Variants in ZC4H2 observed in about 807,000 individuals in gnomAD.
ZC4H2 encodes the protein zinc finger C4H2 domain-containing protein.
For missense variants in ZC4H2, 137 were observed against 173.9 expected (o/e 0.79, Z 1.19); for synonymous variants, 84 against 66.3 (o/e 1.27, Z -1.30).
intron 1 of ZC4H2, among the ~76,000 whole-genome samples, chrX:64,999,756 G>T (rs1468320663): frequency 1.8e-5 from 2 of 112,046 alleles, no homozygotes; most frequent in East Asian, 5.7e-4. Context: ...TTGGTAGGGG[G>T]ACGGGCATCC....
chrX:64,948,216 T>C (rs940295837), intron 1 of ZC4H2, among the ~76,000 whole-genome samples: 7 of 111,548 alleles, frequency 6.3e-5, no homozygotes, highest in Non-Finnish European at 1.1e-4. Context: ...CCAAACTTGG[T>C]TTATAAGTCA....
chrX:64,920,267 T>C lies in ZC4H2; in HGVS notation c.226-14A>G. ...AGTGTTTTCCATCTGGAACATAGAG[T>C]GGGATAGGCACAGAGAAAAGATCCT... On this transcript the variant is annotated splice_polypyrimidine_tract_variant and intron_variant, in intron 2 of 4. Transcript: ENST00000374839. 1 of 1,205,171 alleles carries C rather than the reference T, an allele frequency of 8.3e-7. No homozygotes were observed. The highest frequency in any genetic ancestry group is 3.0e-5 in the East Asian group (1 of 33,727).
chrX:65,005,036 A>T (rs1481280729), intron 1 of ZC4H2, among the ~76,000 whole-genome samples: 1 of 111,609 alleles, frequency 9.0e-6, no homozygotes, highest in Non-Finnish European at 1.9e-5. Flanking sequence ...GATGTGAAGG[A>T]CCTCTTCAAA....
At chrX:64,988,878 C>A in intron 1 of ZC4H2, among the ~76,000 whole-genome samples, 2 of 111,452 alleles carry the variant, frequency 1.8e-5, no homozygotes, top group East Asian at 2.8e-4. Context: ...AGTCTTCAAT[C>A]CATCTTGAAT....
chrX:64,943,846 T>G (rs987657649), intron 1 of ZC4H2, among the ~76,000 whole-genome samples: 2 of 111,601 alleles, frequency 1.8e-5, no homozygotes, highest in East Asian at 5.6e-4. Flanking sequence ...AGGTTAATAT[T>G]GTTATGAGTG....
At chrX:64,922,237 CT>C in intron 1 of ZC4H2, 1 of 242,839 alleles carries the variant, frequency 4.1e-6, no homozygotes, top group Non-Finnish European at 6.2e-6. Flanking sequence ...ATAGTGAGAC[CT>C]TATATCTACA....
At chrX:64,923,556 G>T (rs1297741837) in intron 1 of ZC4H2, among the ~76,000 whole-genome samples, 2 of 110,498 alleles carry the variant, frequency 1.8e-5, no homozygotes, top group African/African-American at 3.3e-5. Context: ...TCTTGACATT[G>T]CCTGTGCCTC....
intron 1 of ZC4H2, among the ~76,000 whole-genome samples, chrX:65,032,513 T>A (rs759085357): frequency 8.9e-6 from 1 of 111,826 alleles, no homozygotes; most frequent in East Asian, 2.8e-4. Context: ...TCCACATTCA[T>A]AATTGTAATA....
intron 1 of ZC4H2, among the ~76,000 whole-genome samples, chrX:64,987,107 T>C (rs1932203321): frequency 9.2e-6 from 1 of 108,555 alleles, no homozygotes; most frequent in African/African-American, 3.4e-5. Context: ...TTTTTGTATT[T>C]TTAGTAGAGA....
intron 1 of ZC4H2, among the ~76,000 whole-genome samples, chrX:64,960,257 T>C (rs1411148489): frequency 9.0e-6 from 1 of 110,829 alleles, no homozygotes; most frequent in African/African-American, 3.3e-5. Context: ...GAAAAGAGTT[T>C]TGGAGAGTGT....
chrX:64,999,540 C>A lies in ZC4H2; in HGVS notation c.-272+35089G>T, dbSNP rs1343632495. Reference sequence around the variant, plus strand: ...GTTTGGGCAGACACTGAGCTAGCTGCAAGAGCTTTCTTTTCATACCCCAGT... The same window carrying A: ...GTTTGGGCAGACACTGAGCTAGCTGAAAGAGCTTTCTTTTCATACCCCAGT... On this transcript the variant is annotated intron_variant, in intron 1 of 4. Transcript: ENST00000337990. Among the ~76,000 whole-genome samples the A allele has an allele frequency of 2.7e-5, 3 of 112,215 alleles. No homozygotes were observed. The East Asian group carries it at 8.5e-4, about 32-fold the overall frequency.
chrX:64,919,735 G>A (rs1485055071), intron 3 of ZC4H2: 7 of 181,844 alleles, frequency 3.8e-5, no homozygotes, highest in Admixed American at 1.5e-4. Context: ...TCTAGATATC[G>A]CCTTCTAGAC....
At chrX:64,974,973 CAA>C (rs58569761) in intron 1 of ZC4H2, among the ~76,000 whole-genome samples, 5,384 of 35,859 alleles carry the variant, frequency 0.15, 798 homozygotes, top group African/African-American at 0.38. Context: ...ATGCTTTTGC[CAA>C]AAAAAAAAAA....
intron 1 of ZC4H2, among the ~76,000 whole-genome samples, chrX:64,975,740 C>T (rs1298702015): frequency 1.8e-5 from 2 of 111,459 alleles, no homozygotes; most frequent in Non-Finnish European, 3.8e-5. Context: ...GACCGCGTCC[C>T]CAGTCCCCAT....
chrX:65,017,056 G>T lies in ZC4H2; in HGVS notation c.-272+17573C>A, dbSNP rs148943945. Among the ~76,000 whole-genome samples the T allele has an allele frequency of 8.4e-4, 94 of 111,711 alleles. 1 individual carries two copies. The East Asian group carries it at 0.024, about 29-fold the overall frequency. On this transcript the variant is annotated intron_variant, in intron 1 of 4. Coordinates refer to the ZC4H2 transcript ENST00000337990. ...TTTAGAAAGAGGGAAGAAAATAGTA[G>T]GAAAACATGTGGAAACCATCTGCTA... is the stretch of plus-strand genomic sequence containing the variant.
chrX:64,925,328 G>T (rs968157952), intron 1 of ZC4H2, among the ~76,000 whole-genome samples: 3 of 112,029 alleles, frequency 2.7e-5, no homozygotes, highest in African/African-American at 9.7e-5. Flanking sequence ...CACTATTTGG[G>T]TGATGGGTAC....
intron 1 of ZC4H2, among the ~76,000 whole-genome samples, chrX:64,986,626 T>C (rs575492012): frequency 4.5e-5 from 5 of 111,617 alleles, no homozygotes; most frequent in Admixed American, 9.5e-5. Flanking sequence ...CAGTGGGCAG[T>C]TGGCTCCAAG....
chrX:64,929,805 T>C (rs1929660502), intron 1 of ZC4H2, among the ~76,000 whole-genome samples: 1 of 112,093 alleles, frequency 8.9e-6, no homozygotes, highest in Non-Finnish European at 1.9e-5. Context: ...GGAAATGTGA[T>C]GCTTCCAGAT....
At position 64,921,930 on chromosome X, in the gene ZC4H2, G is replaced by T. The variant is rs924747347; in HGVS notation, c.112C>A (p.Leu38Ile). 2 of 1,210,992 alleles carry T rather than the reference G, an allele frequency of 1.7e-6. No individual in the cohort carries two copies. Among genetic ancestry groups the T allele is most frequent in the East Asian group, 5.9e-5 (2 of 33,780 alleles). ...KARLKAEFEA[L>I]ESEERHLKEY... ...TTCAGGTGCCTTTCCTCTGACTCAAGTGCCTCAAACTCAGCCTTCAAACGA... is the reference window on the plus strand; with the variant it reads ...TTCAGGTGCCTTTCCTCTGACTCAATTGCCTCAAACTCAGCCTTCAAACGA... The change falls in exon 2 of 5, where the codon CTT becomes ATT. Residue 38 changes from leucine (L) to isoleucine (I), a missense_variant. Coordinates refer to ENST00000374839, the MANE Select transcript of ZC4H2 (RefSeq NM_018684.4).
Sources: gnomAD v4.1 joint callset for allele counts (sites outside exome capture counted in the v4.1 genomes callset) on GRCh38, gnomAD v4.1.1 for gene constraint, MANE v1.5 for transcripts, NCBI Gene and HGNC (gene_info 2026-07-23, HGNC 2026-07-21) for gene names.